FANCC: variants seen among roughly 807,000 people sequenced by gnomAD.
The protein encoded by FANCC is Fanconi anemia group C protein.
A neutral mutation model predicts 71.3 loss-of-function variants in FANCC; 55 were observed. The ratio of observed to expected loss-of-function variants is 0.77; its 90% CI spans 0.62 to 0.97. The LOEUF (loss-of-function observed/expected upper bound fraction) is 0.97, where lower values mean the gene tolerates loss of function less well. Ranked by LOEUF, FANCC falls within the 50% of genes least tolerant of loss-of-function variation. FANCC has a pLI of 0.00. For missense variants in FANCC, 678 were observed against 670.9 expected, an observed-to-expected ratio of 1.01 and a Z score of -0.12; for synonymous variants, 275 against 244.9, an observed-to-expected ratio of 1.12 and a Z score of -1.15.
At chr9:95,311,158 C>T (rs750906864) in intron 1 of FANCC, among the ~76,000 whole-genome samples, 12 of 144,818 alleles carry the variant, frequency 8.3e-5, no homozygotes, top group African/African-American at 1.8e-4. Context: ...GGTGTGAACC[C>T]GGGAGGCAGA....
Position 95,182,476 on chromosome 9 carries a change from C to T in FANCC, c.346-10329G>A, listed in dbSNP as rs1452591291. 3.3e-5 allele frequency among the ~76,000 whole-genome samples: 5 copies of T among 152,114 alleles called. No homozygotes were observed. In the South Asian group the frequency reaches 6.2e-4, roughly 19 times the overall value. ...CGGAGCTTGCAGTTAGCCAAGATCGCGCTACTGCACTCCAGCCTGGGAGAT... is the reference window on the plus strand; with the variant it reads ...CGGAGCTTGCAGTTAGCCAAGATCGTGCTACTGCACTCCAGCCTGGGAGAT... On this transcript the variant is annotated intron_variant, in intron 4 of 14. Transcript: ENST00000289081.
chr9:95,122,425 A>G (rs2072958146), intron 10 of FANCC, among the ~76,000 whole-genome samples: 1 of 152,204 alleles, frequency 6.6e-6, no homozygotes, highest in South Asian at 2.1e-4. Context: ...ACTCAGGTCC[A>G]GCTCTAGGAA....
chr9:95,271,804 A>G (rs560534770), intron 1 of FANCC, among the ~76,000 whole-genome samples: 2 of 152,020 alleles, frequency 1.3e-5, no homozygotes, highest in East Asian at 1.9e-4. Flanking sequence ...AAAATCCCCA[A>G]TGAAAAATAT....
rs762806822 is a variant in FANCC at position 95,204,100 on chromosome 9, G to A, written c.346-31953C>T. On this transcript the variant is annotated intron_variant, in intron 4 of 14. Transcript: ENST00000289081. ...AGCACTGTGTCCAATAATAAGACAC[G>A]GTTAGTATATGCTAATGTGTTCTTT... 2.6e-4 allele frequency among the ~76,000 whole-genome samples: 39 copies of A among 152,160 alleles called. 1 individual carries two copies. Among genetic ancestry groups the A allele is most frequent in the East Asian group, 1.9e-4 (1 of 5,202 alleles).
intron 4 of FANCC, among the ~76,000 whole-genome samples, chr9:95,211,353 A>G (rs1032848920): frequency 6.6e-6 from 1 of 152,252 alleles, no homozygotes; most frequent in Non-Finnish European, 1.5e-5. Flanking sequence ...AAAAGGCTCC[A>G]GAAATCAACA....
chr9:95,202,990 A>G (rs1000125479), intron 4 of FANCC, among the ~76,000 whole-genome samples: 1 of 152,236 alleles, frequency 6.6e-6, no homozygotes, highest in African/African-American at 2.4e-5. Flanking sequence ...GTCAAACTGC[A>G]AAGAAATATC....
chr9:95,300,733 C>T (rs1327705455), intron 1 of FANCC, among the ~76,000 whole-genome samples: 3 of 152,088 alleles, frequency 2.0e-5, no homozygotes, highest in Non-Finnish European at 4.4e-5. Flanking sequence ...ATGTGGTTAT[C>T]CCACCCTGGT....
intron 12 of FANCC, among the ~76,000 whole-genome samples, chr9:95,112,685 C>G (rs566208813): frequency 3.9e-5 from 6 of 152,326 alleles, no homozygotes; most frequent in South Asian, 4.1e-4. Flanking sequence ...CCCTCATGCT[C>G]CCAGCTCCCA....
chr9:95,236,287 G>T (rs1564782035), intron 4 of FANCC, among the ~76,000 whole-genome samples: 1 of 152,182 alleles, frequency 6.6e-6, no homozygotes, highest in Admixed American at 6.5e-5. Flanking sequence ...AGAACAGACT[G>T]TCTTTCTAGG....
In FANCC at chr9:95,116,996, A is replaced by G. The variant is rs2072471911; in HGVS notation, c.1072+319T>C. ...TTTTATTCTGACTCAGCCAAGTCTT[A>G]GCCTGTTCCTGGCATCTGGTGGATC... On this transcript the variant is annotated intron_variant, in intron 11 of 14. Coordinates refer to ENST00000289081, the MANE Select transcript of FANCC (RefSeq NM_000136.3). Among the ~76,000 whole-genome samples, 4 of 152,258 alleles carry G rather than the reference A, an allele frequency of 2.6e-5. No individual in the cohort carries two copies. The South Asian group carries it at 8.3e-4, about 31-fold the overall frequency.
intron 1 of FANCC, among the ~76,000 whole-genome samples, chr9:95,250,425 A>G (rs1320431038): frequency 6.6e-6 from 1 of 152,244 alleles, no homozygotes; most frequent in African/African-American, 2.4e-5. Context: ...AAGAAATTTG[A>G]AACGACTGTA....
chr9:95,099,446 C>T lies in FANCC; in HGVS notation c.*2261G>A. Reference sequence around the variant, plus strand: ...CCCTCGGCCACGCCGCGTCCCCGCCCAGCATCTCGGATGCCATTCCTTCCC... The same window carrying T: ...CCCTCGGCCACGCCGCGTCCCCGCCTAGCATCTCGGATGCCATTCCTTCCC... On this transcript the variant is annotated 3_prime_UTR_variant, in exon 15 of 15. Transcript: ENST00000289081. 1 of 227,002 alleles carries T rather than the reference C, an allele frequency of 4.4e-6. No homozygotes were observed. The highest frequency in any genetic ancestry group is 2.3e-5 in the African/African-American group (1 of 44,394). The allele number at this position is 227,002 out of a possible 1,614,324, so 14.1% of individuals were successfully genotyped here.
chr9:95,161,472 G>A (rs1381433358), intron 6 of FANCC, among the ~76,000 whole-genome samples: 1 of 152,180 alleles, frequency 6.6e-6, no homozygotes, highest in Admixed American at 6.5e-5. Flanking sequence ...CCAAATTCCA[G>A]GAAGACCAAA....
chr9:95,210,331 A>G (rs1348504377), intron 4 of FANCC, among the ~76,000 whole-genome samples: 1 of 152,154 alleles, frequency 6.6e-6, no homozygotes, highest in Admixed American at 6.5e-5. Flanking sequence ...TGTGTTATTT[A>G]TTATTTTTTA....
intron 1 of FANCC, among the ~76,000 whole-genome samples, chr9:95,298,774 A>G (rs1210399145): frequency 6.6e-6 from 1 of 152,210 alleles, no homozygotes; most frequent in Admixed American, 6.5e-5. Context: ...GTCAAAACCA[A>G]CTGGCAAAAT....
At chr9:95,292,999 A>AC (rs1834147455) in intron 1 of FANCC, 59 of 1,579,640 alleles carry the variant, frequency 3.7e-5, no homozygotes, top group Non-Finnish European at 5.0e-5. Flanking sequence ...GAACACAGGG[A>AC]CCCACCTAGT....
intron 4 of FANCC, among the ~76,000 whole-genome samples, chr9:95,235,352 G>C (rs1458054081): frequency 6.6e-6 from 1 of 152,184 alleles, no homozygotes; most frequent in East Asian, 1.9e-4. Flanking sequence ...TAGCACCACA[G>C]ATCATGATTT....
At chr9:95,126,503 A>G (rs752197710) in intron 9 of FANCC, 26 bp downstream of exon 9, 1 of 1,606,350 alleles carries the variant, frequency 6.2e-7, no homozygotes, top group Non-Finnish European at 8.5e-7. Context: ...TACATCAATT[A>G]CTAGAAGAAA....
intron 4 of FANCC, among the ~76,000 whole-genome samples, chr9:95,223,780 C>A (rs1588307210): frequency 6.6e-6 from 1 of 152,108 alleles, no homozygotes; most frequent in Non-Finnish European, 1.5e-5. Flanking sequence ...AGTTCGAGAC[C>A]AGCCTGACCA....
Sources: gnomAD v4.1 joint callset for allele counts (sites outside exome capture counted in the v4.1 genomes callset) on GRCh38, gnomAD v4.1.1 for gene constraint, MANE v1.5 for transcripts, NCBI Gene and HGNC (gene_info 2026-07-23, HGNC 2026-07-21) for gene names.